SEC22A: variants seen among roughly 807,000 people sequenced by gnomAD.
The protein encoded by SEC22A is vesicle-trafficking protein SEC22a.
In SEC22A, 22 loss-of-function variants were observed where a neutral mutation model predicts 35.3. That is an observed-to-expected ratio of 0.62 (90% CI 0.45 to 0.89). The LOEUF (loss-of-function observed/expected upper bound fraction) is 0.89. Among genes scored for constraint, SEC22A ranks in the 40% least tolerant of loss-of-function variants. The probability of loss-of-function intolerance (pLI) is 0.00; values close to 1 mark genes in which losing one functional copy is unlikely to be tolerated. For synonymous variants in SEC22A, 119 were observed against 129.5 expected, an observed-to-expected ratio of 0.92 and a Z score of 0.55; for missense variants, 354 against 362.5, an observed-to-expected ratio of 0.98 and a Z score of 0.19.
chr3:123,257,620 A>G (rs1937762660), intron 5 of SEC22A, among the ~76,000 whole-genome samples: 1 of 151,954 alleles, frequency 6.6e-6, no homozygotes, highest in Non-Finnish European at 1.5e-5. Flanking sequence ...AATCGCTTGA[A>G]CCTGGGAAGC....
At chr3:123,256,461 C>T (rs1355092875) in intron 5 of SEC22A, among the ~76,000 whole-genome samples, 2 of 152,156 alleles carry the variant, frequency 1.3e-5, no homozygotes, top group Non-Finnish European at 2.9e-5. Flanking sequence ...ATCTTAATCT[C>T]CTCCCTCTTT....
intron 4 of SEC22A, among the ~76,000 whole-genome samples, chr3:123,244,643 T>C (rs187486465): frequency 2.6e-5 from 4 of 152,300 alleles, no homozygotes; most frequent in Admixed American, 1.3e-4. Flanking sequence ...TTTTGTGATA[T>C]GTAGATTCTT....
intron 4 of SEC22A, among the ~76,000 whole-genome samples, chr3:123,228,248 G>C (rs192937742): frequency 1.5e-3 from 229 of 151,858 alleles, no homozygotes; most frequent in African/African-American, 5.2e-3. Context: ...CCAATTTCCA[G>C]TAAATTATAA....
In SEC22A at chr3:123,233,641, A is replaced by G. The variant is rs554593254; in HGVS notation, c.541+8344A>G. On this transcript the variant is annotated intron_variant, in intron 4 of 6. Coordinates refer to ENST00000492595, the MANE Select transcript of SEC22A (RefSeq NM_012430.5). ...AAAATTCAACAGCCTTTCATGGCAA[A>G]AAAACAAACAAACAAAAAAAAACAC... is the stretch of plus-strand genomic sequence containing the variant. Among the ~76,000 whole-genome samples, 18 of 139,032 alleles carry G rather than the reference A, an allele frequency of 1.3e-4. 1 individual carries two copies. Among genetic ancestry groups the G allele is most frequent in the African/African-American group, 4.1e-4 (14 of 34,206 alleles). 91.2% of individuals were successfully genotyped at this position (139,032 alleles called of 152,430 possible).
chr3:123,220,481 G>A (rs1207941889), intron 2 of SEC22A, among the ~76,000 whole-genome samples: 1 of 152,088 alleles, frequency 6.6e-6, no homozygotes, highest in African/African-American at 2.4e-5. Flanking sequence ...GTAGAAAAAG[G>A]CAATATGCTA....
chr3:123,250,819 A>G (rs540652710), intron 5 of SEC22A, among the ~76,000 whole-genome samples: 25 of 152,290 alleles, frequency 1.6e-4, no homozygotes, highest in African/African-American at 5.5e-4. Flanking sequence ...GCTTGATGGA[A>G]TAACAATGTA....
At chr3:123,261,827 C>T (rs1413239641) in intron 6 of SEC22A, among the ~76,000 whole-genome samples, 1 of 152,172 alleles carries the variant, frequency 6.6e-6, no homozygotes, top group African/African-American at 2.4e-5. Context: ...TTTGTGACTT[C>T]AGAGCAGGTG....
intron 1 of SEC22A, chr3:123,204,796 A>G (rs189467720): frequency 2.6e-5 from 4 of 152,284 alleles, no homozygotes; most frequent in African/African-American, 9.6e-5. Context: ...CAGGTGTAAT[A>G]TTTTCTCTGT....
rs1315686275 is a variant in SEC22A, at chr3:123,274,093, A to T, written c.*2371A>T. On this transcript the variant is annotated 3_prime_UTR_variant, in exon 7 of 7. Coordinates refer to ENST00000492595, the MANE Select transcript of SEC22A (RefSeq NM_012430.5). ...TGGATAAGAGGATGTTTACATCTTAATGTAAAAAAATGAAAACAGGTATAA... is the reference window on the plus strand; with the variant it reads ...TGGATAAGAGGATGTTTACATCTTATTGTAAAAAAATGAAAACAGGTATAA... 2 of 152,190 alleles carry T rather than the reference A, an allele frequency of 1.3e-5. No individual in the cohort carries two copies. Among genetic ancestry groups the T allele is most frequent in the Non-Finnish European group, 2.9e-5 (2 of 68,032 alleles). 9.4% of individuals were successfully genotyped at this position (152,190 alleles called of 1,614,324 possible).
At chr3:123,236,623 G>A (rs1414268005) in intron 4 of SEC22A, among the ~76,000 whole-genome samples, 1 of 152,148 alleles carries the variant, frequency 6.6e-6, no homozygotes, top group Non-Finnish European at 1.5e-5. Flanking sequence ...GGAGTGAGGT[G>A]ATTCCACTGT....
intron 5 of SEC22A, among the ~76,000 whole-genome samples, chr3:123,256,739 T>G (rs1937739773): frequency 6.6e-6 from 1 of 151,198 alleles, no homozygotes; most frequent in Non-Finnish European, 1.5e-5. Flanking sequence ...GGTGTGGACT[T>G]AACTCTTCTT....
At chr3:123,264,403 C>T (rs1245988769) in intron 6 of SEC22A, among the ~76,000 whole-genome samples, 1 of 152,080 alleles carries the variant, frequency 6.6e-6, no homozygotes, top group Non-Finnish European at 1.5e-5. Context: ...GTAGCTGTAC[C>T]ATTTTACATT....
At chr3:123,204,648 C>T (rs2108021704) in intron 1 of SEC22A, 1 of 152,246 alleles carries the variant, frequency 6.6e-6, no homozygotes, top group African/African-American at 2.4e-5. Flanking sequence ...AATTTATTTT[C>T]CTCAGCCTTT....
rs760001899 is a variant in SEC22A at position 123,259,548 on chromosome 3, A to C, written c.682A>C (p.Ile228Leu). Residue 228 changes from isoleucine (I) to leucine (L), a missense_variant, in exon 6 of 7, where the codon ATC becomes CTC. Physicochemically the swap from Ile to Leu is conservative, Grantham distance 5 (BLOSUM62 2). Transcript: ENST00000492595. The stretch of plus-strand genomic sequence containing the variant: ...GAGTGATGGTGATGATTTTAATTAC[A>C]TCATTGCATTTTTCCTTGGAACAGC... The part of the protein sequence containing the change: ...LQSDGDDFNY[I>L]IAFFLGTAAC... The C allele has an allele frequency of 6.2e-7, 1 of 1,613,242 alleles. No individual in the cohort carries two copies. Among genetic ancestry groups the C allele is most frequent in the Non-Finnish European group, 8.5e-7 (1 of 1,179,590 alleles).
At chr3:123,253,028 C>A (rs1484397140) in intron 5 of SEC22A, among the ~76,000 whole-genome samples, 1 of 152,100 alleles carries the variant, frequency 6.6e-6, no homozygotes, top group Non-Finnish European at 1.5e-5. Context: ...ACATGTATTT[C>A]TTTAAGGCTC....
Position 123,209,400 on chromosome 3 carries a change from G to A in SEC22A, c.182+1G>A. 2.5e-6 allele frequency: 4 copies of A among 1,604,130 alleles called. No individual in the cohort carries two copies. Among genetic ancestry groups the A allele is most frequent in the African/African-American group, 1.3e-5 (1 of 74,848 alleles). On this transcript the variant is annotated splice_donor_variant, in intron 2 of 6. Coordinates refer to ENST00000492595, the MANE Select transcript of SEC22A (RefSeq NM_012430.5). LOFTEE classifies it high-confidence loss of function. ...TGAAAACTGGACATTATAACATTAA[G>A]TAAGACTTCAGTTTGCTTCATTTGA...
intron 4 of SEC22A, among the ~76,000 whole-genome samples, chr3:123,227,790 A>T (rs1937240941): frequency 6.6e-6 from 1 of 152,006 alleles, no homozygotes; most frequent in African/African-American, 2.4e-5. Context: ...TCTCTACTAA[A>T]AATACAAAAA....
intron 5 of SEC22A, among the ~76,000 whole-genome samples, chr3:123,251,502 C>T (rs1937613256): frequency 6.6e-6 from 1 of 152,130 alleles, no homozygotes. Flanking sequence ...CCTCTGTGTT[C>T]CCTTAGCACT....
intron 5 of SEC22A, among the ~76,000 whole-genome samples, chr3:123,253,815 A>G (rs1437727819): frequency 6.6e-6 from 1 of 151,950 alleles, no homozygotes; most frequent in Non-Finnish European, 1.5e-5. Context: ...TGTGGTGCTT[A>G]CTTTCTTTCA....
Sources: gnomAD v4.1 joint callset for allele counts (sites outside exome capture counted in the v4.1 genomes callset) on GRCh38, gnomAD v4.1.1 for gene constraint, MANE v1.5 for transcripts, NCBI Gene and HGNC (gene_info 2026-07-23, HGNC 2026-07-21) for gene names.